EXOC6B: variants seen among roughly 807,000 people sequenced by gnomAD.
EXOC6B encodes SEC15 homolog B.
EXOC6B carries 54 observed loss-of-function variants against 113.5 expected under a neutral mutation model. The observed-to-expected ratio is 0.48, with a 90% CI of 0.38 to 0.60. The LOEUF is 0.60. EXOC6B is among the 20% of genes least tolerant of loss of function. EXOC6B has a pLI of 0.00. For missense variants in EXOC6B, 797 were observed against 977.5 expected (o/e 0.82, Z 2.46); for synonymous variants, 357 against 339.0 (o/e 1.05, Z -0.58).
intron 17 of EXOC6B, among the ~76,000 whole-genome samples, chr2:72,465,846 G>A (rs905874069): frequency 6.6e-6 from 1 of 152,104 alleles, no homozygotes; most frequent in Admixed American, 6.6e-5. Context: ...TTAAAACTCT[G>A]TCTTCCCGTG....
At chr2:72,371,226 A>C (rs1298866349) in intron 19 of EXOC6B, among the ~76,000 whole-genome samples, 5 of 152,076 alleles carry the variant, frequency 3.3e-5, no homozygotes, top group African/African-American at 1.2e-4. Flanking sequence ...CAGTAAAGAG[A>C]AGCCCAGGAC....
chr2:72,671,755 GAAAGAAAGAA>G (rs1558902629), intron 6 of EXOC6B, among the ~76,000 whole-genome samples: 940 of 14,726 alleles, frequency 0.064, 26 homozygotes, highest in African/African-American at 0.1. Context: ...GACAGAGAAA[GAAAGAAAGAA>G]AGAAAGAAAG....
At chr2:72,360,730 G>A (rs1391558761) in intron 19 of EXOC6B, among the ~76,000 whole-genome samples, 2 of 152,048 alleles carry the variant, frequency 1.3e-5, no homozygotes, top group African/African-American at 4.8e-5. Context: ...CTGGATAGTT[G>A]AGAAAGCTGA....
At chr2:72,798,883 T>A (rs922009612) in intron 1 of EXOC6B, among the ~76,000 whole-genome samples, 2 of 152,030 alleles carry the variant, frequency 1.3e-5, no homozygotes, top group Non-Finnish European at 1.5e-5. Flanking sequence ...TAATATGAGA[T>A]AATAACAATA....
Position 72,239,833 on chromosome 2 carries a change from C to T in EXOC6B, c.2197-55646G>A, listed in dbSNP as rs140730339. 4.8e-4 allele frequency among the ~76,000 whole-genome samples: 73 copies of T among 152,092 alleles called. 2 individuals are homozygous for T. The highest frequency in any genetic ancestry group is 7.7e-4 in the East Asian group (4 of 5,182). On this transcript the variant is annotated intron_variant, in intron 20 of 21. Transcript: ENST00000272427. Reference sequence around the variant, plus strand: ...TTTGGTGCTCTTCAATTTCTTTCAACGATGTTTTACAGTTTTTAAAGTAAA... The same window carrying T: ...TTTGGTGCTCTTCAATTTCTTTCAATGATGTTTTACAGTTTTTAAAGTAAA...
At chr2:72,799,738 T>C (rs1434826457) in intron 1 of EXOC6B, among the ~76,000 whole-genome samples, 2 of 152,200 alleles carry the variant, frequency 1.3e-5, no homozygotes, top group Non-Finnish European at 2.9e-5. Flanking sequence ...AGAGGTAAGA[T>C]AATTATTATT....
chr2:72,715,416 A>G (rs1679549640), intron 6 of EXOC6B, among the ~76,000 whole-genome samples: 1 of 148,812 alleles, frequency 6.7e-6, no homozygotes, highest in Non-Finnish European at 1.5e-5. Flanking sequence ...CTTCAGAAGT[A>G]TACATTTAAA....
At chr2:72,424,762 T>C (rs897000592) in intron 18 of EXOC6B, among the ~76,000 whole-genome samples, 3 of 152,338 alleles carry the variant, frequency 2.0e-5, no homozygotes, top group Middle Eastern at 3.4e-3. Flanking sequence ...AATAGAAACA[T>C]ATCTAATTAT....
chr2:72,460,929 T>C (rs1365508603), intron 18 of EXOC6B, among the ~76,000 whole-genome samples: 12 of 151,402 alleles, frequency 7.9e-5, no homozygotes, highest in African/African-American at 2.4e-4. Context: ...TGCGGCACTA[T>C]TCACAATAGC....
At chr2:72,224,107 G>T (rs1681047432) in intron 20 of EXOC6B, among the ~76,000 whole-genome samples, 1 of 151,944 alleles carries the variant, frequency 6.6e-6, no homozygotes, top group Non-Finnish European at 1.5e-5. Context: ...TTAATAAAAG[G>T]TATTAGAAAT....
chr2:72,399,204 C>T (rs901431773), intron 18 of EXOC6B, among the ~76,000 whole-genome samples: 3 of 152,072 alleles, frequency 2.0e-5, no homozygotes, highest in Non-Finnish European at 4.4e-5. Flanking sequence ...TAAAATTCAG[C>T]ATCCCTTCAT....
chr2:72,783,548 T>C (rs1161486839), intron 1 of EXOC6B, among the ~76,000 whole-genome samples: 1 of 151,994 alleles, frequency 6.6e-6, no homozygotes, highest in African/African-American at 2.4e-5. Context: ...GGTCTCAAAC[T>C]CCTGACCTCG....
At position 72,763,873 on chromosome 2, in the gene EXOC6B, G is replaced by A. The variant is rs188974036; in HGVS notation, c.114-22404C>T. Among the ~76,000 whole-genome samples the A allele has an allele frequency of 3.0e-3, 462 of 152,112 alleles. 1 individual carries two copies. The highest frequency in any genetic ancestry group is 9.0e-3 in the African/African-American group (374 of 41,516). ...AGGCAGGCAGATTGCTTGAGCCCAG[G>A]GCTTTGAGACCAACCTGGGCAACAT... On this transcript the variant is annotated intron_variant, in intron 1 of 21. Coordinates refer to ENST00000272427, the MANE Select transcript of EXOC6B (RefSeq NM_015189.3).
At chr2:72,367,473 A>T (rs1056422257) in intron 19 of EXOC6B, among the ~76,000 whole-genome samples, 1 of 152,328 alleles carries the variant, frequency 6.6e-6, no homozygotes, top group Non-Finnish European at 1.5e-5. Flanking sequence ...AGAATATATG[A>T]TTACATCATT....
chr2:72,367,091 G>T (rs1215813564), intron 19 of EXOC6B, among the ~76,000 whole-genome samples: 1 of 152,048 alleles, frequency 6.6e-6, no homozygotes, highest in Admixed American at 6.6e-5. Context: ...CAGTAATAAT[G>T]TATTGTGGGG....
At chr2:72,745,608 T>C (rs894404312) in intron 1 of EXOC6B, among the ~76,000 whole-genome samples, 3 of 152,140 alleles carry the variant, frequency 2.0e-5, no homozygotes, top group Non-Finnish European at 4.4e-5. Context: ...GATGTACATA[T>C]ATGCATTTTT....
At chr2:72,214,315 G>A (rs923822194) in intron 20 of EXOC6B, among the ~76,000 whole-genome samples, 5 of 136,990 alleles carry the variant, frequency 3.6e-5, no homozygotes, top group Admixed American at 7.6e-5. Context: ...GTGAAACCCC[G>A]TCTCTACTAA....
At chr2:72,512,111 G>C (rs1700935773) in intron 11 of EXOC6B, among the ~76,000 whole-genome samples, 1 of 151,984 alleles carries the variant, frequency 6.6e-6, no homozygotes, top group Admixed American at 6.6e-5. Context: ...ATCTCAGAGT[G>C]CCACTTCAAA....
chr2:72,218,863 A>T (rs1428188374), intron 20 of EXOC6B, among the ~76,000 whole-genome samples: 1 of 151,642 alleles, frequency 6.6e-6, no homozygotes, highest in Non-Finnish European at 1.5e-5. Flanking sequence ...GGGTTTCATC[A>T]CATTGGCCAT....
Sources: allele counts gnomAD v4.1 joint callset (sites outside exome capture counted in the v4.1 genomes callset), GRCh38; gene constraint gnomAD v4.1.1; transcripts MANE v1.5; gene names NCBI Gene and HGNC (gene_info 2026-07-23, HGNC 2026-07-21).